ADH4: variants seen among roughly 807,000 people sequenced by gnomAD.
The protein encoded by ADH4 is all-trans-retinol dehydrogenase [NAD(+)] ADH4.
ADH4 carries 31 observed loss-of-function variants against 35.2 expected under a neutral mutation model. That is an observed-to-expected ratio of 0.88 (90% CI 0.66 to 1.19). The LOEUF (loss-of-function observed/expected upper bound fraction) is 1.19. Ranked by LOEUF, ADH4 falls within the 50% of genes most tolerant of loss-of-function variation. The pLI is 0.00. For missense variants in ADH4, 476 were observed against 458.3 expected (o/e 1.04, Z -0.35); for synonymous variants, 171 against 160.2 (o/e 1.07, Z -0.51).
At chr4:99,141,743 A>G in intron 2 of ADH4, 61 bp from the exon 3 acceptor site, 1 of 1,516,818 alleles carries the variant, frequency 6.6e-7, no homozygotes, top group South Asian at 1.3e-5. Context: ...GCTGGATGTT[A>G]CATATAAGAT....
chr4:99,133,993 GA>G (rs1729361753), intron 5 of ADH4, among the ~76,000 whole-genome samples: 1 of 152,140 alleles, frequency 6.6e-6, no homozygotes. Flanking sequence ...TTAAAAAAAT[GA>G]AAATCCTGTT....
chr4:99,143,473 C>A, intron 1 of ADH4: 1 of 327,010 alleles, frequency 3.1e-6, no homozygotes, highest in Non-Finnish European at 5.6e-6. Flanking sequence ...ATTCTATAAC[C>A]CCAATTTTTT....
rs745850704 is a variant in ADH4, at chr4:99,136,450, G to C, written c.582+16C>G. Reference sequence around the variant, plus strand: ...AGTAACTTCTGTTTTACACAAACTGGTGTTTAACCATTTACCTTGGCATTG... The same window carrying C: ...AGTAACTTCTGTTTTACACAAACTGCTGTTTAACCATTTACCTTGGCATTG... On this transcript the variant is annotated intron_variant, in intron 5 of 8. Transcript: ENST00000265512. The C allele has an allele frequency of 6.2e-7, 1 of 1,603,050 alleles. No individual in the cohort carries two copies. The highest frequency in any genetic ancestry group is 8.5e-7 in the Non-Finnish European group (1 of 1,170,556).
At position 99,142,702 on chromosome 4, in the gene ADH4, T is replaced by G. The variant is rs61754858; in HGVS notation, c.97A>C (p.Lys33Gln). Residue 33 changes from lysine (K) to glutamine (Q), a missense_variant, in exon 2 of 9, where the codon AAG becomes CAG. Transcript: ENST00000265512. ...ACCTGAATGCGAACTTCATGAGCCT[T>G]GGGGGGAGCTACTTCAACCTCTTCA... ...CIEEVEVAPP[K>Q]AHEVRIQIIA... 1 of 1,599,616 alleles carries G rather than the reference T, an allele frequency of 6.3e-7. No homozygotes were observed. Among genetic ancestry groups the G allele is most frequent in the African/African-American group, 1.3e-5 (1 of 74,164 alleles).
At chr4:99,137,516 C>G (rs1412967311) in intron 4 of ADH4, among the ~76,000 whole-genome samples, 1 of 152,150 alleles carries the variant, frequency 6.6e-6, no homozygotes, top group African/African-American at 2.4e-5. Context: ...CCAGCTTTGG[C>G]CTCCCAATGT....
Position 99,123,893 on chromosome 4 carries a change from G to A in ADH4, c.*549C>T. On this transcript the variant is annotated 3_prime_UTR_variant, in exon 9 of 9. Coordinates refer to ENST00000265512, the MANE Select transcript of ADH4 (RefSeq NM_000670.5). ...TAAACATGTACCATGGTGCTTTGCT[G>A]CACAGATCATCTCATCACCCAGGTA... 6.5e-6 allele frequency: 1 copy of A among 154,420 alleles called. No homozygotes were observed. Among genetic ancestry groups the A allele is most frequent in the Non-Finnish European group, 1.4e-5 (1 of 69,834 alleles). 9.6% of individuals were successfully genotyped at this position (154,420 alleles called of 1,614,324 possible). A position where few individuals can be genotyped will look rare whatever the true frequency, so the allele number is the denominator to read the frequency against.
chr4:99,140,405 C>T (rs556681480), intron 3 of ADH4, among the ~76,000 whole-genome samples: 3 of 152,198 alleles, frequency 2.0e-5, no homozygotes, highest in Non-Finnish European at 4.4e-5. Flanking sequence ...GAAACCCTGT[C>T]TCTACTAAAA....
chr4:99,133,306 C>A (rs1214312735), intron 5 of ADH4, among the ~76,000 whole-genome samples: 2 of 152,182 alleles, frequency 1.3e-5, no homozygotes, highest in African/African-American at 4.8e-5. Context: ...GATTATCTAT[C>A]TGCAAGTACC....
At chr4:99,138,138 C>G (rs542784741) in intron 4 of ADH4, among the ~76,000 whole-genome samples, 1 of 152,142 alleles carries the variant, frequency 6.6e-6, no homozygotes, top group South Asian at 2.1e-4. Flanking sequence ...TAGGTGGTAT[C>G]GTATATTTCA....
intron 2 of ADH4, among the ~76,000 whole-genome samples, chr4:99,142,138 C>G (rs1729644645): frequency 6.6e-6 from 1 of 152,118 alleles, no homozygotes; most frequent in Admixed American, 6.5e-5. Context: ...TGGGGGTCCT[C>G]AAGGAAAATA....
intron 5 of ADH4, among the ~76,000 whole-genome samples, chr4:99,135,050 A>G (rs1322477498): frequency 6.6e-6 from 1 of 152,158 alleles, no homozygotes; most frequent in Non-Finnish European, 1.5e-5. Context: ...AGCTATCACA[A>G]TGAACAACAG....
intron 2 of ADH4, among the ~76,000 whole-genome samples, chr4:99,141,974 T>C (rs939953539): frequency 5.9e-5 from 9 of 152,216 alleles, no homozygotes; most frequent in Non-Finnish European, 1.2e-4. Context: ...ATAGGGCTTA[T>C]TGAAATGAAG....
At chr4:99,134,551 G>A (rs1309921175) in intron 5 of ADH4, among the ~76,000 whole-genome samples, 1 of 152,054 alleles carries the variant, frequency 6.6e-6, no homozygotes, top group East Asian at 1.9e-4. Context: ...AGCAAAGGAA[G>A]ACTTGAAGAG....
intron 4 of ADH4, among the ~76,000 whole-genome samples, chr4:99,137,033 T>G (rs540703687): frequency 1.3e-5 from 2 of 151,988 alleles, no homozygotes; most frequent in South Asian, 4.2e-4. Flanking sequence ...CACCGCAACC[T>G]CCGCCTTCCG....
chr4:99,139,153 A>C lies in ADH4; in HGVS notation c.263-5T>G. ...AAAGTGGAATTACTTTGTCACCTAGAAAGAAAGGCCATATGTTGGATGGTG... is the reference window on the plus strand; with the variant it reads ...AAAGTGGAATTACTTTGTCACCTAGCAAGAAAGGCCATATGTTGGATGGTG... On this transcript the variant is annotated splice_polypyrimidine_tract_variant and splice_region_variant and intron_variant, in intron 3 of 8. Transcript: ENST00000265512. The C allele has an allele frequency of 1.2e-6, 2 of 1,608,260 alleles. No homozygotes were observed. Among genetic ancestry groups the C allele is most frequent in the African/African-American group, 1.3e-5 (1 of 74,894 alleles).
At chr4:99,126,469 C>T (rs1729092253) in intron 8 of ADH4, 125 bp downstream of exon 8, 2 of 887,480 alleles carry the variant, frequency 2.3e-6, no homozygotes, top group East Asian at 5.0e-5. Context: ...ATCTTTTAAG[C>T]ACATCTAGTA....
In ADH4 at chr4:99,124,300, T is replaced by G; in HGVS notation, c.*142A>C. ...TATAACAGGTACAAAGTCTATAATA[T>G]TTAAAGCTCTTTTATGTTCCCATAT... On this transcript the variant is annotated 3_prime_UTR_variant, in exon 9 of 9. Transcript: ENST00000265512. The G allele has an allele frequency of 1.6e-6, 1 of 633,582 alleles. No homozygotes were observed. The highest frequency in any genetic ancestry group is 2.8e-6 in the Non-Finnish European group (1 of 361,368). The allele number at this position is 633,582 out of a possible 1,614,324, so 39.2% of individuals were successfully genotyped here.
Position 99,126,634 on chromosome 4 carries a change from T to A in ADH4, c.1078A>T (p.Lys360Ter). The A allele has an allele frequency of 6.2e-7, 1 of 1,610,002 alleles. No individual in the cohort carries two copies. The highest frequency in any genetic ancestry group is 1.1e-5 in the South Asian group (1 of 90,612). ...ALVTHTLPFD[K>*]ISEAFDLMNQ... is the part of the protein sequence containing the mutation. ...ATTAGGTCAAATGCCTCACTGATTT[T>A]GTCAAAAGGCAGGGTATGGGTCACC... The change falls in exon 8 of 9, where the codon AAA (lysine) becomes TAA (stop). Residue 360 changes from lysine to a stop codon, truncating the protein, a stop_gained. Coordinates refer to ENST00000265512, the MANE Select transcript of ADH4 (RefSeq NM_000670.5). LOFTEE classifies it high-confidence loss of function.
intron 8 of ADH4, among the ~76,000 whole-genome samples, chr4:99,126,164 G>A (rs1338650716): frequency 6.6e-6 from 1 of 152,164 alleles, no homozygotes; most frequent in Non-Finnish European, 1.5e-5. Flanking sequence ...TCCTTTACAT[G>A]TCTGATCCCT....
Sources: gnomAD v4.1 joint callset for allele counts (sites outside exome capture counted in the v4.1 genomes callset) on GRCh38, gnomAD v4.1.1 for gene constraint, MANE v1.5 for transcripts, NCBI Gene and HGNC (gene_info 2026-07-23, HGNC 2026-07-21) for gene names.